Variants in GPC6 observed in about 807,000 individuals in gnomAD.
GPC6 encodes glypican-6.
GPC6 carries 14 observed loss-of-function variants against 55.2 expected under a neutral mutation model. The ratio of observed to expected loss-of-function variants is 0.25; its 90% CI spans 0.17 to 0.40. The LOEUF (loss-of-function observed/expected upper bound fraction) is 0.40, where lower values mean the gene tolerates loss of function less well. Ranked by LOEUF, GPC6 falls within the 10% of genes least tolerant of loss-of-function variation. The pLI is 1.00. For synonymous variants in GPC6, 278 were observed against 259.6 expected, an observed-to-expected ratio of 1.07 and a Z score of -0.68; for missense variants, 641 against 708.5, an observed-to-expected ratio of 0.90 and a Z score of 1.08.
rs753021062 is a variant in GPC6, at chr13:93,291,881, C to A, written c.160+64265C>A. On this transcript the variant is annotated intron_variant, in intron 1 of 8. Coordinates refer to ENST00000377047, the MANE Select transcript of GPC6 (RefSeq NM_005708.5). ...TTCTTTTAATTTCTCTCCTGTTCAG[C>A]GTTTGTATATTCAATATGCAAATTA... Among the ~76,000 whole-genome samples the A allele has an allele frequency of 2.0e-5, 3 of 151,930 alleles. 1 individual carries two copies. Among genetic ancestry groups the A allele is most frequent in the Non-Finnish European group, 4.4e-5 (3 of 67,988 alleles).
intron 1 of GPC6, among the ~76,000 whole-genome samples, chr13:93,464,911 C>A (rs560670660): frequency 6.6e-6 from 1 of 152,292 alleles, no homozygotes; most frequent in South Asian, 2.1e-4. Flanking sequence ...GATCTATGGG[C>A]TGCAGAATGG....
At chr13:93,957,034 G>T (rs891263897) in intron 3 of GPC6, among the ~76,000 whole-genome samples, 1 of 152,090 alleles carries the variant, frequency 6.6e-6, no homozygotes, top group Non-Finnish European at 1.5e-5. Context: ...AAACCCATTT[G>T]CAGGCAGCCT....
At chr13:94,242,407 G>A (rs1159761079) in intron 4 of GPC6, among the ~76,000 whole-genome samples, 1 of 151,970 alleles carries the variant, frequency 6.6e-6, no homozygotes, top group Non-Finnish European at 1.5e-5. Context: ...TATACCCAAA[G>A]GATTATAAAT....
chr13:93,445,419 A>G lies in GPC6; in HGVS notation c.161-99844A>G, dbSNP rs139142553. On this transcript the variant is annotated intron_variant, in intron 1 of 8. Transcript: ENST00000377047. Reference sequence around the variant, plus strand: ...GATGTCTGTATTAAACTAAATTGCAATTCTAGGTGAAAGGTAATATTGGGA... The same window carrying G: ...GATGTCTGTATTAAACTAAATTGCAGTTCTAGGTGAAAGGTAATATTGGGA... Among the ~76,000 whole-genome samples the G allele has an allele frequency of 1.6e-4, 25 of 152,272 alleles. 1 individual carries two copies. The highest frequency in any genetic ancestry group is 5.1e-4 in the African/African-American group (21 of 41,566).
Position 93,886,037 on chromosome 13 carries a change from G to A in GPC6, c.711+55492G>A, listed in dbSNP as rs187706917. ...AGGCTCTGCACAGTTATTTTAATTT[G>A]AATGTTATTGAAATAGTTCTGTGTG... is the stretch of plus-strand genomic sequence containing the variant. On this transcript the variant is annotated intron_variant, in intron 3 of 8. Transcript: ENST00000377047. Among the ~76,000 whole-genome samples the A allele has an allele frequency of 7.9e-5, 12 of 152,106 alleles. No homozygotes were observed. The East Asian group carries it at 9.7e-4, about 12-fold the overall frequency.
chr13:93,692,174 T>A (rs557310145), intron 2 of GPC6, among the ~76,000 whole-genome samples: 1 of 152,204 alleles, frequency 6.6e-6, no homozygotes, highest in East Asian at 1.9e-4. Context: ...TGTTGCCTTT[T>A]GCCCATGGAA....
chr13:93,535,255 CTT>C (rs1448673499), intron 1 of GPC6, among the ~76,000 whole-genome samples: 1 of 151,822 alleles, frequency 6.6e-6, no homozygotes, highest in African/African-American at 2.4e-5. Flanking sequence ...CTTTCTCCTT[CTT>C]CAAAAGTTAT....
intron 3 of GPC6, among the ~76,000 whole-genome samples, chr13:93,965,366 G>A (rs1035080725): frequency 6.6e-6 from 1 of 151,964 alleles, no homozygotes; most frequent in Non-Finnish European, 1.5e-5. Context: ...AGCCGAGATT[G>A]CGCCACTGCA....
intron 1 of GPC6, among the ~76,000 whole-genome samples, chr13:93,337,925 C>T (rs4142601): frequency 0.46 from 70,397 of 152,004 alleles, 18,376 homozygotes; most frequent in East Asian, 0.91. Context: ...TATTGCAGCC[C>T]GCAACCTCAG....
chr13:93,614,064 T>A (rs192286516), intron 2 of GPC6, among the ~76,000 whole-genome samples: 3 of 152,218 alleles, frequency 2.0e-5, no homozygotes, highest in African/African-American at 4.8e-5. Context: ...ACTGTACATT[T>A]ATGTTCAAGG....
chr13:94,070,040 A>G (rs1003358744), intron 4 of GPC6, among the ~76,000 whole-genome samples: 1 of 152,172 alleles, frequency 6.6e-6, no homozygotes, highest in African/African-American at 2.4e-5. Context: ...CTGCTAGTGA[A>G]GACATATCCG....
intron 2 of GPC6, among the ~76,000 whole-genome samples, chr13:93,622,237 A>G (rs1000080150): frequency 1.7e-4 from 26 of 152,204 alleles, no homozygotes; most frequent in African/African-American, 6.0e-4. Flanking sequence ...CTCATTGAGA[A>G]CTCAACTATG....
intron 1 of GPC6, among the ~76,000 whole-genome samples, chr13:93,340,491 A>G (rs1880216732): frequency 6.6e-6 from 1 of 152,228 alleles, no homozygotes; most frequent in African/African-American, 2.4e-5. Flanking sequence ...GTAATTTTGG[A>G]TAATCATAAG....
At chr13:93,818,008 A>G (rs1345534312) in intron 2 of GPC6, among the ~76,000 whole-genome samples, 2 of 147,588 alleles carry the variant, frequency 1.4e-5, no homozygotes, top group Non-Finnish European at 3.0e-5. Flanking sequence ...AACATAAATT[A>G]TATACTTATA....
intron 3 of GPC6, among the ~76,000 whole-genome samples, chr13:93,840,100 C>CT (rs1203137562): frequency 7.2e-5 from 11 of 152,012 alleles, no homozygotes; most frequent in Non-Finnish European, 1.5e-4. Flanking sequence ...TGGTCCTGTA[C>CT]TTTTTTTGTG....
chr13:94,021,260 GTATATA>G (rs57597417), intron 3 of GPC6, among the ~76,000 whole-genome samples: 1 of 146,202 alleles, frequency 6.8e-6, no homozygotes, highest in Non-Finnish European at 1.5e-5. Context: ...TTCATTGTGT[GTATATA>G]TATATATATA....
At chr13:94,368,457 C>G (rs1879383701) in intron 6 of GPC6, among the ~76,000 whole-genome samples, 1 of 152,084 alleles carries the variant, frequency 6.6e-6, no homozygotes, top group African/African-American at 2.4e-5. Context: ...ATTACAAAAC[C>G]TACCCAAACA....
chr13:93,473,677 C>T lies in GPC6; in HGVS notation c.161-71586C>T, dbSNP rs115594079. ...TCACAGGGCCCCTCTTTGCCCACTC[C>T]TCTGTGCCTGACCATGCTGCTCCCC... On this transcript the variant is annotated intron_variant, in intron 1 of 8. Coordinates refer to ENST00000377047, the MANE Select transcript of GPC6 (RefSeq NM_005708.5). Among the ~76,000 whole-genome samples the T allele has an allele frequency of 1.5e-3, 226 of 152,338 alleles. 1 individual carries two copies. Among genetic ancestry groups the T allele is most frequent in the African/African-American group, 5.3e-3 (220 of 41,576 alleles).
intron 4 of GPC6, among the ~76,000 whole-genome samples, chr13:94,285,049 A>G (rs781320495): frequency 1.5e-4 from 23 of 152,238 alleles, no homozygotes; most frequent in Non-Finnish European, 2.5e-4. Flanking sequence ...TAGTAATGGC[A>G]TAAACCAGAT....
Sources: allele counts gnomAD v4.1 joint callset (sites outside exome capture counted in the v4.1 genomes callset), GRCh38; gene constraint gnomAD v4.1.1; transcripts MANE v1.5; gene names NCBI Gene and HGNC (gene_info 2026-07-23, HGNC 2026-07-21).